The following IMMP2L variants were observed in gnomAD, a reference collection of about 807,000 sequenced individuals.
The protein encoded by IMMP2L is inner mitochondrial membrane peptidase subunit 2, also known as mitochondrial inner membrane protease subunit 2.
IMMP2L carries 18 observed loss-of-function variants against 19.3 expected under a neutral mutation model. The observed-to-expected ratio is 0.93, with a 90% CI of 0.64 to 1.38. IMMP2L has a LOEUF of 1.38. IMMP2L is among the 40% of genes most tolerant of loss of function. IMMP2L has a pLI of 0.00. For missense variants in IMMP2L, 233 were observed against 218.2 expected (o/e 1.07, Z -0.43); for synonymous variants, 76 against 73.0 (o/e 1.04, Z -0.21).
chr7:110,691,789 T>G (rs1343345327), intron 5 of IMMP2L, among the ~76,000 whole-genome samples: 1 of 152,080 alleles, frequency 6.6e-6, no homozygotes. Context: ...TGGCCATTAT[T>G]AAAAAGTCAA....
intron 3 of IMMP2L, among the ~76,000 whole-genome samples, chr7:111,305,401 T>C (rs528184217): frequency 9.9e-5 from 15 of 152,284 alleles, no homozygotes; most frequent in African/African-American, 3.4e-4. Flanking sequence ...CGATCTCAGC[T>C]CACTGCAACC....
intron 5 of IMMP2L, among the ~76,000 whole-genome samples, chr7:110,773,478 A>G (rs532553528): frequency 3.3e-5 from 5 of 152,264 alleles, no homozygotes; most frequent in Admixed American, 2.6e-4. Context: ...TGTCTAGAAC[A>G]TTAAAAAATC....
chr7:111,281,566 G>A (rs1819889804), intron 3 of IMMP2L, among the ~76,000 whole-genome samples: 2 of 152,076 alleles, frequency 1.3e-5, no homozygotes, highest in African/African-American at 4.8e-5. Flanking sequence ...GAGACACTTG[G>A]GAGGCATAGT....
At chr7:111,174,880 G>A (rs1382813073) in intron 3 of IMMP2L, among the ~76,000 whole-genome samples, 8 of 151,596 alleles carry the variant, frequency 5.3e-5, no homozygotes, top group Non-Finnish European at 1.2e-4. Context: ...CCTTTAAGTG[G>A]GCTAGATTTT....
chr7:111,297,338 G>A (rs1466314493), intron 3 of IMMP2L, among the ~76,000 whole-genome samples: 1 of 151,904 alleles, frequency 6.6e-6, no homozygotes, highest in African/African-American at 2.4e-5. Flanking sequence ...AAGAAACACA[G>A]GACCTTTCAG....
chr7:110,936,565 G>A (rs2129552408), intron 4 of IMMP2L, among the ~76,000 whole-genome samples: 1 of 152,318 alleles, frequency 6.6e-6, no homozygotes, highest in South Asian at 2.1e-4. Flanking sequence ...TGCTGGGGAG[G>A]ATGTGGAGAA....
At chr7:111,520,300 A>G (rs11975331) in intron 2 of IMMP2L, among the ~76,000 whole-genome samples, 17,872 of 152,068 alleles carry the variant, frequency 0.12, 1,533 homozygotes, top group African/African-American at 0.24. Context: ...CTGCCCAAGA[A>G]AAGGCCCTAA....
intron 3 of IMMP2L, among the ~76,000 whole-genome samples, chr7:110,977,052 C>T (rs1455366805): frequency 6.6e-6 from 1 of 151,818 alleles, no homozygotes; most frequent in East Asian, 1.9e-4. Flanking sequence ...ATAAAAACCT[C>T]CTCGGATCAG....
intron 4 of IMMP2L, among the ~76,000 whole-genome samples, chr7:110,910,250 C>A (rs540606317): frequency 6.6e-6 from 1 of 152,228 alleles, no homozygotes; most frequent in Non-Finnish European, 1.5e-5. Flanking sequence ...ATTAAGAGAG[C>A]AAGATCTTAA....
chr7:111,432,149 C>A (rs1307515146), intron 3 of IMMP2L, among the ~76,000 whole-genome samples: 3 of 151,628 alleles, frequency 2.0e-5, no homozygotes, highest in Non-Finnish European at 4.4e-5. Context: ...CCTGTGGGAT[C>A]TGACACTATC....
At chr7:110,909,347 G>T (rs892907953) in intron 4 of IMMP2L, among the ~76,000 whole-genome samples, 1 of 152,050 alleles carries the variant, frequency 6.6e-6, no homozygotes, top group East Asian at 1.9e-4. Context: ...CTTATTCTGC[G>T]ACAAGAGACA....
intron 5 of IMMP2L, among the ~76,000 whole-genome samples, chr7:110,739,522 A>AAT (rs1172171092): frequency 6.6e-6 from 1 of 152,166 alleles, no homozygotes; most frequent in Non-Finnish European, 1.5e-5. Flanking sequence ...CACAGTTCTA[A>AAT]ATATATATGC....
chr7:111,243,376 C>G (rs1223586594), intron 3 of IMMP2L, among the ~76,000 whole-genome samples: 4 of 152,044 alleles, frequency 2.6e-5, no homozygotes, highest in Non-Finnish European at 5.9e-5. Flanking sequence ...AATTCCCAAG[C>G]TGTTGAAATT....
chr7:111,255,408 T>C (rs1816594100), intron 3 of IMMP2L, among the ~76,000 whole-genome samples: 1 of 152,046 alleles, frequency 6.6e-6, no homozygotes, highest in African/African-American at 2.4e-5. Flanking sequence ...AGGGTGATGA[T>C]CATCCATTTT....
At chr7:111,368,168 T>C (rs903080817) in intron 3 of IMMP2L, among the ~76,000 whole-genome samples, 5 of 151,790 alleles carry the variant, frequency 3.3e-5, no homozygotes, top group African/African-American at 4.8e-5. Flanking sequence ...TCCAGCACAA[T>C]AGAATTATCA....
At chr7:111,555,099 C>A (rs1398521784) in intron 1 of IMMP2L, among the ~76,000 whole-genome samples, 1 of 152,074 alleles carries the variant, frequency 6.6e-6, no homozygotes, top group African/African-American at 2.4e-5. Context: ...ATCCTTCCTG[C>A]CATATATATC....
rs928127924 is a variant in IMMP2L, at chr7:111,155,637, C to A, written c.240-192072G>T. Among the ~76,000 whole-genome samples, 54 of 147,110 alleles carry A rather than the reference C, an allele frequency of 3.7e-4. 2 individuals carry two copies. Among genetic ancestry groups the A allele is most frequent in the Non-Finnish European group, 1.5e-5 (1 of 66,642 alleles). ...ACATAAATTTCCATGAAAATGGAAA[C>A]TTGTGTGCATTGTCATGGAAATTTA... On this transcript the variant is annotated intron_variant, in intron 3 of 5. Transcript: ENST00000405709.
intron 5 of IMMP2L, among the ~76,000 whole-genome samples, chr7:110,675,997 A>C (rs1792269343): frequency 1.3e-5 from 2 of 152,222 alleles, no homozygotes; most frequent in South Asian, 2.1e-4. Context: ...TACTAAAATT[A>C]AACCTGCAGT....
chr7:111,381,209 C>T (rs1030388977), intron 3 of IMMP2L, among the ~76,000 whole-genome samples: 1 of 151,906 alleles, frequency 6.6e-6, no homozygotes, highest in African/African-American at 2.4e-5. Flanking sequence ...CCACATCACA[C>T]CTTACAGCAG....
Sources: gnomAD v4.1 joint callset for allele counts (sites outside exome capture counted in the v4.1 genomes callset) on GRCh38, gnomAD v4.1.1 for gene constraint, MANE v1.5 for transcripts, NCBI Gene and HGNC (gene_info 2026-07-23, HGNC 2026-07-21) for gene names.